IGSF21: variants seen among roughly 807,000 people sequenced by gnomAD.
IGSF21 encodes the protein immunoglobulin superfamily member 21.
In IGSF21, 28 loss-of-function variants were observed where a neutral mutation model predicts 46.8. The observed-to-expected ratio is 0.60, with a 90% confidence interval of 0.44 to 0.82. The LOEUF (loss-of-function observed/expected upper bound fraction) is 0.82. Ranked by LOEUF, IGSF21 falls within the 40% of genes least tolerant of loss-of-function variation. The pLI, the probability that IGSF21 is intolerant of heterozygous loss-of-function variation, is 0.00. For missense variants in IGSF21, 624 were observed against 665.5 expected, an observed-to-expected ratio of 0.94 and a Z score of 0.69; for synonymous variants, 284 against 273.6, an observed-to-expected ratio of 1.04 and a Z score of -0.38.
At chr1:18,181,751 A>C (rs1051717713) in intron 1 of IGSF21, among the ~76,000 whole-genome samples, 2 of 152,206 alleles carry the variant, frequency 1.3e-5, no homozygotes, top group African/African-American at 4.8e-5. Context: ...CTGGCTTGGC[A>C]GCATCTTTGG....
chr1:18,169,557 C>G (rs997292981), intron 1 of IGSF21, among the ~76,000 whole-genome samples: 6 of 152,206 alleles, frequency 3.9e-5, no homozygotes, highest in African/African-American at 1.2e-4. Context: ...TGCTTCCGCC[C>G]CATGTGAGGA....
chr1:18,296,172 C>T (rs1393158251), intron 3 of IGSF21, among the ~76,000 whole-genome samples: 2 of 152,154 alleles, frequency 1.3e-5, no homozygotes, highest in African/African-American at 4.8e-5. Context: ...GGCTTCCTTC[C>T]CTTCTAGCTC....
chr1:18,264,890 AGGGCCAT>A (rs2084976497), intron 2 of IGSF21, among the ~76,000 whole-genome samples: 3 of 152,112 alleles, frequency 2.0e-5, no homozygotes, highest in Admixed American at 1.3e-4. Context: ...CCTGCTTTGC[AGGGCCAT>A]GGTGAATATT....
At chr1:18,142,661 C>T (rs1036000898) in intron 1 of IGSF21, among the ~76,000 whole-genome samples, 1 of 152,208 alleles carries the variant, frequency 6.6e-6, no homozygotes, top group African/African-American at 2.4e-5. Context: ...AGCCAATCCT[C>T]GTGGCCTGGC....
At chr1:18,297,602 T>C (rs2085323391) in intron 3 of IGSF21, among the ~76,000 whole-genome samples, 1 of 151,968 alleles carries the variant, frequency 6.6e-6, no homozygotes, top group African/African-American at 2.4e-5. Flanking sequence ...CCATGAGGGA[T>C]TGGTTCCAGG....
intron 2 of IGSF21, among the ~76,000 whole-genome samples, chr1:18,250,098 G>GCTGC: frequency 1.7e-5 from 1 of 59,882 alleles, no homozygotes; most frequent in South Asian, 8.0e-4. Flanking sequence ...TCCCTCCCTC[G>GCTGC]CTCCCTCCCT....
chr1:18,182,434 C>A (rs1006235604), intron 1 of IGSF21, among the ~76,000 whole-genome samples: 10 of 152,174 alleles, frequency 6.6e-5, no homozygotes, highest in South Asian at 2.1e-4. Flanking sequence ...TCACCTCGGC[C>A]TCCCAAAGTG....
intron 2 of IGSF21, among the ~76,000 whole-genome samples, chr1:18,267,270 G>T (rs1484785429): frequency 6.6e-6 from 1 of 152,212 alleles, no homozygotes; most frequent in Admixed American, 6.5e-5. Context: ...GAGTCAATTT[G>T]TGTGGGCGTT....
At chr1:18,277,455 G>C (rs1569703275) in intron 2 of IGSF21, among the ~76,000 whole-genome samples, 1 of 152,164 alleles carries the variant, frequency 6.6e-6, no homozygotes, top group Non-Finnish European at 1.5e-5. Flanking sequence ...CTAGCACAGG[G>C]GCTGACACAT....
At position 18,334,981 on chromosome 1, in the gene IGSF21, C is replaced by G; in HGVS notation, c.395C>G (p.Ala132Gly). Residue 132 changes from alanine (A) to glycine (G), a missense_variant, in exon 4 of 10, where the codon GCA becomes GGA. Physicochemically the swap from Ala to Gly is moderately conservative, Grantham distance 60 (BLOSUM62 0). Transcript: ENST00000251296. The surrounding 1 kb of genome is among the most constrained non-coding windows in gnomAD (Gnocchi z 4.3). ...GCCACCAGGGAGAAGGTGGTCCTGG[C>G]ATCAGGCAACATCTTCCTCAACGTC... ...DRATREKVVL[A>G]SGNIFLNVMA... 6.2e-7 allele frequency: 1 copy of G among 1,614,052 alleles called. No individual in the cohort carries two copies. Among genetic ancestry groups the G allele is most frequent in the Non-Finnish European group, 8.5e-7 (1 of 1,179,872 alleles).
At chr1:18,151,094 G>A (rs1348492236) in intron 1 of IGSF21, among the ~76,000 whole-genome samples, 1 of 152,168 alleles carries the variant, frequency 6.6e-6, no homozygotes, top group Non-Finnish European at 1.5e-5. Context: ...GAGCGTCCCA[G>A]GGCCTCTACC....
intron 1 of IGSF21, among the ~76,000 whole-genome samples, chr1:18,225,111 AC>A (rs1332338153): frequency 8.9e-5 from 13 of 145,526 alleles, no homozygotes; most frequent in Non-Finnish European, 1.6e-4. Context: ...ACACACACAC[AC>A]ACACACACAC....
intron 1 of IGSF21, among the ~76,000 whole-genome samples, chr1:18,163,769 G>A (rs2086651495): frequency 6.6e-6 from 1 of 152,194 alleles, no homozygotes; most frequent in Non-Finnish European, 1.5e-5. Context: ...AGGAACAGAA[G>A]TGCCCACCAA....
chr1:18,274,843 C>G (rs527664107), intron 2 of IGSF21, among the ~76,000 whole-genome samples: 11 of 152,216 alleles, frequency 7.2e-5, no homozygotes, highest in Admixed American at 6.5e-4. Context: ...CTGGCCAACA[C>G]GGTGAAACCC....
intron 1 of IGSF21, among the ~76,000 whole-genome samples, chr1:18,208,922 G>A (rs561907739): frequency 6.6e-6 from 1 of 152,268 alleles, no homozygotes; most frequent in East Asian, 1.9e-4. Context: ...ATGCAAAGGG[G>A]CACATACTGC....
chr1:18,350,330 G>A (rs1024386934), intron 4 of IGSF21, among the ~76,000 whole-genome samples: 2 of 152,124 alleles, frequency 1.3e-5, no homozygotes, highest in African/African-American at 2.4e-5. Context: ...AAGTGCATTC[G>A]AGGTCCCAAT....
intron 2 of IGSF21, among the ~76,000 whole-genome samples, chr1:18,286,934 C>A (rs563172634): frequency 4.9e-4 from 74 of 152,284 alleles, no homozygotes; most frequent in South Asian, 1.9e-3. Context: ...GTAATCCCAG[C>A]ACTTTGGGAG....
At chr1:18,261,500 C>T (rs1393598489) in intron 2 of IGSF21, among the ~76,000 whole-genome samples, 2 of 152,216 alleles carry the variant, frequency 1.3e-5, no homozygotes, top group Non-Finnish European at 2.9e-5. Flanking sequence ...GACCTGATGA[C>T]CTGGAAGTCA....
chr1:18,310,227 C>T (rs2085475833), intron 3 of IGSF21, among the ~76,000 whole-genome samples: 1 of 152,094 alleles, frequency 6.6e-6, no homozygotes, highest in African/African-American at 2.4e-5. Flanking sequence ...CAGTTAAGGG[C>T]TTTATAAAGG....
Sources: allele counts gnomAD v4.1 joint callset (sites outside exome capture counted in the v4.1 genomes callset), GRCh38; gene constraint gnomAD v4.1.1; non-coding constraint Gnocchi (gnomAD v3.1); transcripts MANE v1.5; gene names NCBI Gene and HGNC (gene_info 2026-07-23, HGNC 2026-07-21).